The following UGDH variants were observed in gnomAD, a reference collection of about 807,000 sequenced individuals.
The protein encoded by UGDH is UDP-Glc dehydrogenase.
Under a neutral mutation model 50.6 loss-of-function variants are expected in UGDH, and 38 were observed. That is an observed-to-expected ratio of 0.75 (90% CI 0.58 to 0.98). UGDH has a LOEUF of 0.98. UGDH is among the 50% of genes least tolerant of loss of function. The pLI is 0.00. For synonymous variants in UGDH, 168 were observed against 199.9 expected (o/e 0.84, Z 1.35); for missense variants, 465 against 606.2 (o/e 0.77, Z 2.45).
chr4:39,505,589 A>C (rs781231011), intron 8 of UGDH, 29 bp downstream of exon 8: 1 of 1,554,012 alleles, frequency 6.4e-7, no homozygotes, highest in Non-Finnish European at 8.7e-7. Flanking sequence ...CAATCTCAAA[A>C]GGGTTGAAAT....
chr4:39,508,461 T>C, intron 7 of UGDH, 105 bp downstream of exon 7: 1 of 1,127,410 alleles, frequency 8.9e-7, no homozygotes. Context: ...CCCAAATTCC[T>C]GGCCTCAAGT....
chr4:39,514,258 A>G (rs1746361228), intron 2 of UGDH, 74 bp from the exon 3 acceptor site: 3 of 1,161,234 alleles, frequency 2.6e-6, no homozygotes, highest in Non-Finnish European at 3.8e-6. Context: ...GTATAGAATT[A>G]CATTTGTTAA....
chr4:39,524,801 A>G (rs1480117533), intron 1 of UGDH, among the ~76,000 whole-genome samples: 1 of 152,058 alleles, frequency 6.6e-6, no homozygotes, highest in African/African-American at 2.4e-5. Context: ...GAGCCATCGC[A>G]TCTGGCCAAG....
chr4:39,504,364 C>CTGA, intron 10 of UGDH, 53 bp downstream of exon 10: 1 of 1,529,398 alleles, frequency 6.5e-7, no homozygotes, highest in Non-Finnish European at 9.1e-7. Context: ...TCAACCCCAG[C>CTGA]TGATAGTGGA....
At chr4:39,501,276 A>ATTT (rs71192870) in intron 11 of UGDH, among the ~76,000 whole-genome samples, 1 of 132,268 alleles carries the variant, frequency 7.6e-6, no homozygotes, top group Non-Finnish European at 1.6e-5. Context: ...AACAGCATAA[A>ATTT]TTTTTTTTTT....
intron 1 of UGDH, among the ~76,000 whole-genome samples, chr4:39,524,251 C>A (rs531571758): frequency 6.6e-6 from 1 of 152,284 alleles, no homozygotes; most frequent in Non-Finnish European, 1.5e-5. Context: ...GAATCAGTGT[C>A]TACTCGTTGC....
At chr4:39,500,653 C>CTTTTT (rs11284301) in intron 11 of UGDH, among the ~76,000 whole-genome samples, 25 of 135,222 alleles carry the variant, frequency 1.8e-4, no homozygotes, top group Non-Finnish European at 1.7e-4. Context: ...GCATAATTCT[C>CTTTTT]TTTTTTTTTT....
chr4:39,521,235 C>A (rs1297725995), intron 2 of UGDH, 116 bp downstream of exon 2: 3 of 1,085,204 alleles, frequency 2.8e-6, no homozygotes, highest in Non-Finnish European at 3.8e-6. Context: ...AGATTTTTTT[C>A]ATTTAATTTC....
At chr4:39,501,555 G>A (rs1046606527) in intron 11 of UGDH, among the ~76,000 whole-genome samples, 1 of 152,184 alleles carries the variant, frequency 6.6e-6, no homozygotes, top group Non-Finnish European at 1.5e-5. Flanking sequence ...TTACAGGCGT[G>A]AGCCACCGCA....
At chr4:39,524,466 A>C (rs1746794324) in intron 1 of UGDH, among the ~76,000 whole-genome samples, 1 of 151,896 alleles carries the variant, frequency 6.6e-6, no homozygotes, top group Admixed American at 6.6e-5. Flanking sequence ...ATTGCCGATC[A>C]TAGTATTTTT....
At chr4:39,502,559 T>G (rs894308467) in intron 11 of UGDH, among the ~76,000 whole-genome samples, 1 of 152,160 alleles carries the variant, frequency 6.6e-6, no homozygotes, top group African/African-American at 2.4e-5. Flanking sequence ...GCATATTTTT[T>G]TATTCTCCCT....
intron 1 of UGDH, among the ~76,000 whole-genome samples, chr4:39,522,935 G>A (rs1746725084): frequency 6.6e-6 from 1 of 151,854 alleles, no homozygotes; most frequent in Non-Finnish European, 1.5e-5. Context: ...GCTAATTTTT[G>A]TATTTTTAGT....
chr4:39,519,830 G>A (rs935097471), intron 2 of UGDH, among the ~76,000 whole-genome samples: 12 of 152,050 alleles, frequency 7.9e-5, no homozygotes, highest in African/African-American at 1.9e-4. Flanking sequence ...GTGAGCCACC[G>A]TGCCGCCAAT....
intron 2 of UGDH, among the ~76,000 whole-genome samples, chr4:39,516,760 C>T (rs1004024396): frequency 3.9e-5 from 6 of 152,184 alleles, no homozygotes; most frequent in Non-Finnish European, 8.8e-5. Flanking sequence ...ACCACTACAA[C>T]CATGAATATG....
Position 39,502,808 on chromosome 4 carries a change from A to G in UGDH, c.1374+1067T>C, listed in dbSNP as rs1258513440. On this transcript the variant is annotated intron_variant, in intron 11 of 11. Transcript: ENST00000316423. ...GTCACCCAGGCTGGCATGCAATGGC[A>G]TGATCTCAGCTCATTACAACCTCTG... is the stretch of plus-strand genomic sequence containing the variant. Among the ~76,000 whole-genome samples the G allele has an allele frequency of 1.5e-3, 230 of 151,728 alleles. 1 individual carries two copies. The highest frequency in any genetic ancestry group is 5.4e-3 in the African/African-American group (224 of 41,258).
At chr4:39,519,967 T>A (rs1746583376) in intron 2 of UGDH, among the ~76,000 whole-genome samples, 1 of 152,218 alleles carries the variant, frequency 6.6e-6, no homozygotes, top group Admixed American at 6.5e-5. Context: ...CAGACCTATC[T>A]TAGAGATAAA....
chr4:39,506,009 T>C (rs780380515), intron 7 of UGDH, among the ~76,000 whole-genome samples: 1 of 151,856 alleles, frequency 6.6e-6, no homozygotes, highest in Non-Finnish European at 1.5e-5. Context: ...AGGTGGGCGA[T>C]TGCTTGAGCT....
In UGDH at chr4:39,527,304, A is replaced by T; in HGVS notation, c.-29T>A. ...TTACCCACTTCCCAGCAGCAAGCGC[A>T]GGGACCGCTCCTATCCCGATCGTTC... is the stretch of plus-strand genomic sequence containing the variant. On this transcript the variant is annotated 5_prime_UTR_variant, in exon 1 of 12. Transcript: ENST00000316423. 1 of 369,520 alleles carries T rather than the reference A, an allele frequency of 2.7e-6. No individual in the cohort carries two copies. Among genetic ancestry groups the T allele is most frequent in the Non-Finnish European group, 5.2e-6 (1 of 192,796 alleles). 22.9% of individuals were successfully genotyped at this position (369,520 alleles called of 1,614,324 possible). A position where few individuals can be genotyped will look rare whatever the true frequency, so the allele number is the denominator to read the frequency against.
At chr4:39,506,892 G>C (rs984460043) in intron 7 of UGDH, among the ~76,000 whole-genome samples, 1 of 152,118 alleles carries the variant, frequency 6.6e-6, no homozygotes, top group African/African-American at 2.4e-5. Context: ...AGGCAGGGTG[G>C]TGCACCTGTA....
Sources: gnomAD v4.1 joint callset for allele counts (sites outside exome capture counted in the v4.1 genomes callset) on GRCh38, gnomAD v4.1.1 for gene constraint, MANE v1.5 for transcripts, NCBI Gene and HGNC (gene_info 2026-07-23, HGNC 2026-07-21) for gene names.